The following PPM1B variants were observed in gnomAD, a reference collection of about 807,000 sequenced individuals.
The protein encoded by PPM1B is protein phosphatase, Mg2+/Mn2+ dependent 1B, also known as protein phosphatase 1B.
Under a neutral mutation model 43.0 loss-of-function variants are expected in PPM1B, and 22 were observed. That is an observed-to-expected ratio of 0.51 (90% CI 0.37 to 0.73). The LOEUF is 0.73. Ranked by LOEUF, PPM1B falls within the 30% of genes least tolerant of loss-of-function variation. PPM1B has a pLI of 0.00. For synonymous variants in PPM1B, 217 were observed against 197.9 expected (o/e 1.10, Z -0.81); for missense variants, 632 against 584.2 (o/e 1.08, Z -0.84).
chr2:44,183,754 T>G (rs1223344858), intron 1 of PPM1B, among the ~76,000 whole-genome samples: 1 of 152,212 alleles, frequency 6.6e-6, no homozygotes, highest in Non-Finnish European at 1.5e-5. Flanking sequence ...TCTTCTTTTT[T>G]TCAAGACAGA....
At chr2:44,229,615 AAAC>A (rs1225697341) in intron 5 of PPM1B, among the ~76,000 whole-genome samples, 1 of 152,216 alleles carries the variant, frequency 6.6e-6, no homozygotes. Flanking sequence ...GATTCATTCT[AAAC>A]ATTTTTTGGC....
chr2:44,234,288 A>G (rs549512026), downstream of PPM1B: 6 of 872,746 alleles, frequency 6.9e-6, no homozygotes, highest in East Asian at 1.2e-4. Flanking sequence ...TGGGAGGCCA[A>G]GGCGGGTGGA....
intron 1 of PPM1B, among the ~76,000 whole-genome samples, chr2:44,179,453 T>C (rs1245115826): frequency 6.6e-6 from 1 of 152,192 alleles, no homozygotes; most frequent in Non-Finnish European, 1.5e-5. Context: ...CAAAGCTCTG[T>C]GTTCTTGTCT....
chr2:44,209,462 T>G, intron 3 of PPM1B, 135 bp downstream of exon 3: 21 of 912,042 alleles, frequency 2.3e-5, no homozygotes, highest in Non-Finnish European at 2.9e-5. Context: ...AGGGAAAGTA[T>G]TCTTTTTGTT....
chr2:44,215,767 A>G (rs569257064), intron 3 of PPM1B, among the ~76,000 whole-genome samples: 5 of 152,348 alleles, frequency 3.3e-5, no homozygotes, highest in African/African-American at 1.2e-4. Context: ...AGAAAAAGAA[A>G]TCTCATAGAA....
chr2:44,230,242 G>A (rs148072434), intron 5 of PPM1B, 171 bp from the exon 6 acceptor site: 150 of 1,420,960 alleles, frequency 1.1e-4, no homozygotes, highest in Non-Finnish European at 1.2e-4. Flanking sequence ...ATTATTATTG[G>A]AAGTTTTTAT....
chr2:44,170,441 TAAC>T (rs1179644781), intron 1 of PPM1B, among the ~76,000 whole-genome samples: 1 of 152,254 alleles, frequency 6.6e-6, no homozygotes, highest in African/African-American at 2.4e-5. Context: ...CTTTTTCTGT[TAAC>T]AAACGTTTAC....
At position 44,230,719 on chromosome 2, in the gene PPM1B, C is replaced by A; in HGVS notation, c.*1C>A. On this transcript the variant is annotated 3_prime_UTR_variant, in exon 6 of 6. Coordinates refer to ENST00000282412, the MANE Select transcript of PPM1B (RefSeq NM_002706.6). ...AAAGATGAGTGGTGAAAAAATATGA[C>A]TTTCCTTTTTGGTAATATTTTTGTG... is the stretch of plus-strand genomic sequence containing the variant. 2 of 1,602,166 alleles carry A rather than the reference C, an allele frequency of 1.2e-6. No individual in the cohort carries two copies. The highest frequency in any genetic ancestry group is 1.7e-6 in the Non-Finnish European group (2 of 1,171,604).
chr2:44,206,604 T>C (rs1669200010), intron 2 of PPM1B, among the ~76,000 whole-genome samples: 1 of 152,244 alleles, frequency 6.6e-6, no homozygotes, highest in African/African-American at 2.4e-5. Flanking sequence ...TGTTCCACAA[T>C]GCTCATGTTG....
rs1670418539 is a variant in PPM1B, at chr2:44,230,439, A to G, written c.1161A>G (p.Gly387=). The G allele has an allele frequency of 1.2e-6, 2 of 1,614,178 alleles. No homozygotes were observed. The highest frequency in any genetic ancestry group is 1.7e-6 in the Non-Finnish European group (2 of 1,180,000). ...CCTCCGATGAAGCAGAGGAAAGTGG[A>G]TCACAGGGAAAATTGGTGGAAGCTC... ...DGASDEAEES[G]SQGKLVEALR... Residue 387 remains glycine (G), a synonymous_variant, in exon 6 of 6, where the codon GGA becomes GGG. Transcript: ENST00000282412.
At chr2:44,236,246 T>C (rs911069501), downstream of PPM1B, among the ~76,000 whole-genome samples, 1 of 150,976 alleles carries the variant, frequency 6.6e-6, no homozygotes, top group African/African-American at 2.4e-5. Context: ...AAAATAAAAA[T>C]AAAAAAATTA....
At position 44,207,251 on chromosome 2, in the gene PPM1B, G is replaced by A. The variant is rs540717475; in HGVS notation, c.847-1959G>A. Among the ~76,000 whole-genome samples, 4 of 152,254 alleles carry A rather than the reference G, an allele frequency of 2.6e-5. No homozygotes were observed. In the East Asian group the frequency reaches 7.7e-4, roughly 29 times the overall value. On this transcript the variant is annotated intron_variant, in intron 2 of 5. Coordinates refer to ENST00000282412, the MANE Select transcript of PPM1B (RefSeq NM_002706.6). ...GGGCTGTGTCATGTAGGTTCTGAAAGGCATAAGTCTGAACCGAGCCATGCC... is the reference window on the plus strand; with the variant it reads ...GGGCTGTGTCATGTAGGTTCTGAAAAGCATAAGTCTGAACCGAGCCATGCC...
intron 1 of PPM1B, among the ~76,000 whole-genome samples, chr2:44,177,615 T>A (rs1379045646): frequency 1.3e-5 from 2 of 151,876 alleles, no homozygotes; most frequent in Admixed American, 1.3e-4. Flanking sequence ...GACAGGGGTC[T>A]CACCATGTTG....
intron 1 of PPM1B, among the ~76,000 whole-genome samples, chr2:44,184,743 C>A (rs1381075052): frequency 2.0e-5 from 3 of 152,080 alleles, no homozygotes; most frequent in African/African-American, 7.2e-5. Flanking sequence ...CCCACAGACC[C>A]ACATAGGGAT....
At position 44,201,445 on chromosome 2, in the gene PPM1B, C is replaced by T. The variant is rs563276652; in HGVS notation, c.246C>T (p.Asn82=). 3.7e-6 allele frequency: 6 copies of T among 1,614,118 alleles called. No homozygotes were observed. The highest frequency in any genetic ancestry group is 4.5e-5 in the East Asian group (2 of 44,884). Reference sequence around the variant, plus strand: ...ATTTATTAGAACACATCACTACTAACGAAGACTTTAGGGCAGCTGGAAAAT... The same window carrying T: ...ATTTATTAGAACACATCACTACTAATGAAGACTTTAGGGCAGCTGGAAAAT... ...STHLLEHITT[N]EDFRAAGKSG... The change falls in exon 2 of 6, where the codon AAC becomes AAT. Residue 82 remains asparagine (N), a synonymous_variant. Transcript: ENST00000282412. This position sits in a 1 kb window ranked among gnomAD's most constrained non-coding sequence, Gnocchi z 5.4.
At chr2:44,244,278 C>G (rs745996678) in exon 6 of PPM1B, 8 of 1,360,904 alleles carry the variant, frequency 5.9e-6, no homozygotes, top group Non-Finnish European at 5.9e-6. Context: ...GCTCTGGTGA[C>G]AAGAAAGGCA....
chr2:44,236,700 C>A (rs755490899), downstream of PPM1B, among the ~76,000 whole-genome samples: 3 of 152,136 alleles, frequency 2.0e-5, no homozygotes, highest in Non-Finnish European at 4.4e-5. Context: ...TATCCAGCTT[C>A]AATACTTGAA....
At chr2:44,197,094 AC>A (rs1668695962) in intron 1 of PPM1B, among the ~76,000 whole-genome samples, 1 of 151,744 alleles carries the variant, frequency 6.6e-6, no homozygotes, top group African/African-American at 2.4e-5. Context: ...TTCCCCATCT[AC>A]CCCCTACCCA....
intron 5 of PPM1B, among the ~76,000 whole-genome samples, chr2:44,226,648 T>A (rs1670221950): frequency 6.6e-6 from 1 of 151,788 alleles, no homozygotes; most frequent in Non-Finnish European, 1.5e-5. Context: ...GGAGCAAGGG[T>A]TGATAATCAC....
Sources: gnomAD v4.1 joint callset for allele counts (sites outside exome capture counted in the v4.1 genomes callset) on GRCh38, gnomAD v4.1.1 for gene constraint, Gnocchi (gnomAD v3.1) non-coding constraint, MANE v1.5 for transcripts, NCBI Gene and HGNC (gene_info 2026-07-23, HGNC 2026-07-21) for gene names.